The following C12orf42 variants were observed in gnomAD, a reference collection of about 807,000 sequenced individuals.
C12orf42 encodes the protein uncharacterized protein C12orf42.
C12orf42 carries 25 observed loss-of-function variants against 21.6 expected under a neutral mutation model. The observed-to-expected ratio is 1.16, with a 90% CI of 0.84 to 1.62. The LOEUF (loss-of-function observed/expected upper bound fraction) is 1.62. Among genes scored for constraint, C12orf42 ranks in the 40% most tolerant of loss-of-function variants. The pLI is 0.00. For missense variants in C12orf42, 483 were observed against 459.3 expected, an observed-to-expected ratio of 1.05 and a Z score of -0.47; for synonymous variants, 174 against 175.0, an observed-to-expected ratio of 0.99 and a Z score of 0.05.
rs996664765 is a variant in C12orf42, at chr12:103,452,931, C to T, written c.78+25418G>A. Among the ~76,000 whole-genome samples, 44 of 151,708 alleles carry T rather than the reference C, an allele frequency of 2.9e-4. 3 individuals are homozygous for T. In the South Asian group the frequency reaches 6.2e-3, roughly 21 times the overall value. ...TAGGAGATATACCTAATGTAAATGA[C>T]GAGTTAATGGGTGCAGCACACCAAC... On this transcript the variant is annotated intron_variant, in intron 2 of 5. Transcript: ENST00000548883.
chr12:103,057,943 A>G, the C12orf42 span, among the ~76,000 whole-genome samples: 1 of 151,382 alleles, frequency 6.6e-6, no homozygotes, highest in South Asian at 2.1e-4. Context: ...TATTTCTCTA[A>G]TGATCAGTGA....
intron 2 of C12orf42, among the ~76,000 whole-genome samples, chr12:103,413,698 C>T (rs565282182): frequency 1.3e-5 from 2 of 152,168 alleles, no homozygotes; most frequent in South Asian, 2.1e-4. Flanking sequence ...GTCCTAATAG[C>T]TAGGCTCCCA....
the C12orf42 span, chr12:103,178,397 G>A: frequency 6.6e-6 from 1 of 152,278 alleles, no homozygotes; most frequent in South Asian, 2.1e-4. Context: ...TTTCGAGTTC[G>A]GTTTGGCTGT....
the C12orf42 span, among the ~76,000 whole-genome samples, chr12:103,077,159 T>C: frequency 6.6e-6 from 1 of 152,224 alleles, no homozygotes; most frequent in South Asian, 2.1e-4. Flanking sequence ...TTTGCCCATG[T>C]CCTCTTTCCT....
chr12:103,550,828 GCTTT>G, the C12orf42 span, among the ~76,000 whole-genome samples: 7 of 151,780 alleles, frequency 4.6e-5, 1 homozygote, highest in South Asian at 1.5e-3. Flanking sequence ...GGATGTTGTT[GCTTT>G]CTTATTAATG....
the C12orf42 span, among the ~76,000 whole-genome samples, chr12:103,532,813 C>T: frequency 4.6e-5 from 7 of 152,168 alleles, no homozygotes; most frequent in Admixed American, 1.3e-4. Flanking sequence ...GGATGACCGC[C>T]GTAACCATTA....
At chr12:103,368,820 T>C (rs1444838425) in intron 4 of C12orf42, 67 bp downstream of exon 4, 1 of 780,904 alleles carries the variant, frequency 1.3e-6, no homozygotes, top group East Asian at 2.7e-5. Context: ...TTTATGATTA[T>C]TACCTGTACA....
At chr12:103,337,260 G>A (rs1419330316) in intron 4 of C12orf42, among the ~76,000 whole-genome samples, 1 of 152,196 alleles carries the variant, frequency 6.6e-6, no homozygotes, top group Non-Finnish European at 1.5e-5. Flanking sequence ...CTCCTATCTG[G>A]TGGCTTATAA....
intron 2 of C12orf42, among the ~76,000 whole-genome samples, chr12:103,477,468 C>T (rs1325194963): frequency 6.6e-6 from 1 of 151,914 alleles, no homozygotes; most frequent in African/African-American, 2.4e-5. Context: ...ATGCCTAGAA[C>T]CTGTGAACAT....
At chr12:103,363,195 A>G (rs953649812) in intron 4 of C12orf42, among the ~76,000 whole-genome samples, 4 of 152,138 alleles carry the variant, frequency 2.6e-5, no homozygotes, top group African/African-American at 9.7e-5. Context: ...ACCTTTCTTC[A>G]GCCTCCCTAA....
intron 2 of C12orf42, among the ~76,000 whole-genome samples, chr12:103,453,503 C>T (rs1322129512): frequency 2.0e-5 from 3 of 151,616 alleles, no homozygotes; most frequent in African/African-American, 7.3e-5. Context: ...TTGTTGTATT[C>T]ATCTTTTCAA....
chr12:103,286,547 A>G (rs1159438671), intron 4 of C12orf42, among the ~76,000 whole-genome samples: 1 of 151,446 alleles, frequency 6.6e-6, no homozygotes, highest in Admixed American at 6.6e-5. Context: ...AGGGCCTAGC[A>G]CATAGTAAAT....
the C12orf42 span, among the ~76,000 whole-genome samples, chr12:103,119,357 CA>C: frequency 3.3e-5 from 5 of 152,322 alleles, no homozygotes; most frequent in East Asian, 9.6e-4. Flanking sequence ...AATAACCACT[CA>C]ATAGCTGTTG....
the C12orf42 span, among the ~76,000 whole-genome samples, chr12:103,077,851 G>A: frequency 6.6e-6 from 1 of 152,146 alleles, no homozygotes; most frequent in Non-Finnish European, 1.5e-5. Flanking sequence ...TCTAAATTCT[G>A]AATTTAGAGT....
the C12orf42 span, among the ~76,000 whole-genome samples, chr12:103,072,544 A>G: frequency 6.6e-6 from 1 of 152,154 alleles, no homozygotes; most frequent in Non-Finnish European, 1.5e-5. Flanking sequence ...CAATTCTACA[A>G]TAGCAGTACA....
the C12orf42 span, among the ~76,000 whole-genome samples, chr12:103,138,155 T>G: frequency 2.0e-5 from 3 of 152,154 alleles, no homozygotes; most frequent in Non-Finnish European, 4.4e-5. Flanking sequence ...TGTACAGATA[T>G]TTGTATCAAC....
At chr12:103,093,297 G>T in the C12orf42 span, among the ~76,000 whole-genome samples, 2 of 152,082 alleles carry the variant, frequency 1.3e-5, no homozygotes, top group African/African-American at 4.8e-5. Flanking sequence ...TTTGCAGCAG[G>T]ATATTTTTGT....
At chr12:103,185,471 C>CCCTTCCTTCCTT in the C12orf42 span, among the ~76,000 whole-genome samples, 1 of 151,516 alleles carries the variant, frequency 6.6e-6, no homozygotes, top group African/African-American at 2.4e-5. Context: ...CCTTCTTTTT[C>CCCTTCCTTCCTT]CCTTCCTTCC....
the C12orf42 span, among the ~76,000 whole-genome samples, chr12:103,184,747 AC>A: frequency 8.5e-6 from 1 of 117,570 alleles, no homozygotes; most frequent in Non-Finnish European, 1.6e-5. Flanking sequence ...TAAAGTTCTC[AC>A]CCCCAGTAAC....
Sources: allele counts gnomAD v4.1 joint callset (sites outside exome capture counted in the v4.1 genomes callset), GRCh38; gene constraint gnomAD v4.1.1; transcripts MANE v1.5; gene names NCBI Gene and HGNC (gene_info 2026-07-23, HGNC 2026-07-21).